Variants in YPEL5 observed in about 807,000 individuals in gnomAD.
The protein encoded by YPEL5 is protein yippee-like 5.
Under a neutral mutation model 10.5 loss-of-function variants are expected in YPEL5, and 1 was observed. That is an observed-to-expected ratio of 0.10 (90% CI 0.03 to 0.45). YPEL5 has a LOEUF of 0.45. YPEL5 is among the 20% of genes least tolerant of loss of function. The pLI, the probability that YPEL5 is intolerant of heterozygous loss-of-function variation, is 0.97. For synonymous variants in YPEL5, 61 were observed against 56.6 expected (o/e 1.08, Z -0.35); for missense variants, 68 against 159.3 (o/e 0.43, Z 3.09).
intron 2 of YPEL5, among the ~76,000 whole-genome samples, chr2:30,157,143 C>T (rs571245701): frequency 3.3e-5 from 5 of 152,090 alleles, no homozygotes; most frequent in Non-Finnish European, 7.4e-5. Context: ...ATTAGCTGGG[C>T]GTGGTGGTGT....
At chr2:30,155,172 G>A (rs1377819657) in intron 1 of YPEL5, among the ~76,000 whole-genome samples, 1 of 152,160 alleles carries the variant, frequency 6.6e-6, no homozygotes, top group African/African-American at 2.4e-5. Flanking sequence ...TTAAGTCTGT[G>A]TTTTAGTGCA....
At chr2:30,156,910 C>A in intron 2 of YPEL5, 118 bp downstream of exon 2, 2 of 1,243,684 alleles carry the variant, frequency 1.6e-6, no homozygotes, top group Non-Finnish European at 2.3e-6. Context: ...AGCTTGAAAT[C>A]TACAGAAATG....
At position 30,156,775 on chromosome 2, in the gene YPEL5, G is replaced by T; in HGVS notation, c.124G>T (p.Ala42Ser). Residue 42 changes from alanine to serine, a missense_variant, in exon 2 of 3, where the codon GCA (alanine) becomes TCA (serine). Ala to Ser is a moderately conservative substitution (Grantham distance 99). Transcript: ENST00000261353. Reference sequence around the variant, plus strand: ...TCGTTTCACAGGCGCCACTGGCAGAGCATTTCTTTTTAACAAGGTTAGTGA... The same window carrying T: ...TCGTTTCACAGGCGCCACTGGCAGATCATTTCTTTTTAACAAGGTTAGTGA... ...STRFTGATGRAFLFNKVVNLQ... is the reference protein window; with the variant it reads ...STRFTGATGRSFLFNKVVNLQ... The T allele has an allele frequency of 6.2e-7, 1 of 1,614,034 alleles. No individual in the cohort carries two copies. Among genetic ancestry groups the T allele is most frequent in the Non-Finnish European group, 8.5e-7 (1 of 1,179,990 alleles).
chr2:30,156,728 A>G lies in YPEL5; in HGVS notation c.77A>G (p.Asn26Ser), dbSNP rs780223387. The part of the protein sequence containing the change: ...SCANCDTILT[N>S]RSELISTRFT... ...GCAAACTGTGATACGATCCTGACCAACCGCTCAGAACTCATCTCCACTCGT... is the reference window on the plus strand; with the variant it reads ...GCAAACTGTGATACGATCCTGACCAGCCGCTCAGAACTCATCTCCACTCGT... The change falls in exon 2 of 3, where the codon AAC (asparagine) becomes AGC (serine). Residue 26 changes from asparagine to serine, a missense_variant. Asn to Ser is a conservative substitution (Grantham distance 46). Transcript: ENST00000261353. 4 of 1,614,064 alleles carry G rather than the reference A, an allele frequency of 2.5e-6. No homozygotes were observed. Among genetic ancestry groups the G allele is most frequent in the Non-Finnish European group, 3.4e-6 (4 of 1,180,002 alleles).
chr2:30,152,678 T>C (rs1182235864), intron 1 of YPEL5, among the ~76,000 whole-genome samples: 1 of 152,180 alleles, frequency 6.6e-6, no homozygotes, highest in African/African-American at 2.4e-5. Flanking sequence ...CACAGTCTCT[T>C]TAATTCATCT....
rs1300744103 is a variant in YPEL5, at chr2:30,153,972, G to T, written c.-24-2656G>T. Reference sequence around the variant, plus strand: ...TTTAGCCAAGGATAAAATGATGTAGGCAGAAGGCATAGGGAAAGTTCACTT... The same window carrying T: ...TTTAGCCAAGGATAAAATGATGTAGTCAGAAGGCATAGGGAAAGTTCACTT... On this transcript the variant is annotated intron_variant, in intron 1 of 2. Coordinates refer to ENST00000261353, the MANE Select transcript of YPEL5 (RefSeq NM_016061.3). Among the ~76,000 whole-genome samples the T allele has an allele frequency of 5.9e-5, 9 of 152,302 alleles. No homozygotes were observed. In the South Asian group the frequency reaches 1.9e-3, roughly 32 times the overall value.
chr2:30,152,897 T>TC, intron 1 of YPEL5, among the ~76,000 whole-genome samples: 1 of 151,168 alleles, frequency 6.6e-6, no homozygotes, highest in African/African-American at 2.4e-5. Flanking sequence ...TTTGTTTTTT[T>TC]TTTTTTTTTT....
intron 1 of YPEL5, among the ~76,000 whole-genome samples, chr2:30,149,420 C>A (rs1015557755): frequency 6.6e-6 from 1 of 152,198 alleles, no homozygotes; most frequent in Non-Finnish European, 1.5e-5. Flanking sequence ...GAAAACTTAG[C>A]TTGTTATATA....
At chr2:30,156,928 A>G (rs771782677) in intron 2 of YPEL5, 136 bp downstream of exon 2, 2 of 1,069,660 alleles carry the variant, frequency 1.9e-6, no homozygotes, top group Middle Eastern at 4.2e-4. Flanking sequence ...ATGATTGCCC[A>G]CTAGCTCGTC....
chr2:30,150,996 T>G (rs1364138675), intron 1 of YPEL5, among the ~76,000 whole-genome samples: 2 of 152,134 alleles, frequency 1.3e-5, no homozygotes, highest in African/African-American at 4.8e-5. Flanking sequence ...CCCAACCATT[T>G]AAAAGTACAA....
rs191449739 is a variant in YPEL5 at position 30,159,119 on chromosome 2, G to T, written c.*276G>T. 2.7e-5 allele frequency: 11 copies of T among 400,936 alleles called. No homozygotes were observed. The highest frequency in any genetic ancestry group is 4.1e-5 in the Admixed American group (1 of 24,288). 24.8% of individuals were successfully genotyped at this position (400,936 alleles called of 1,614,324 possible). Reference sequence around the variant, plus strand: ...GGCAGCAGAGTCTGTCTGCAGCTATGTGGTGAGCTATGTAAGGAAAAAAAT... The same window carrying T: ...GGCAGCAGAGTCTGTCTGCAGCTATTTGGTGAGCTATGTAAGGAAAAAAAT... On this transcript the variant is annotated 3_prime_UTR_variant, in exon 3 of 3. Coordinates refer to ENST00000261353, the MANE Select transcript of YPEL5 (RefSeq NM_016061.3).
Position 30,147,285 on chromosome 2 carries a change from C to T in YPEL5, c.-25+223C>T, listed in dbSNP as rs541467574. ...GCGGGCGGACGCGCGGGGCTGTTTG[C>T]TCTTTGTGAGGCCTGGCGCGGCGGC... On this transcript the variant is annotated intron_variant, in intron 1 of 2. Coordinates refer to ENST00000261353, the MANE Select transcript of YPEL5 (RefSeq NM_016061.3). 5.5e-3 allele frequency among the ~76,000 whole-genome samples: 836 copies of T among 151,528 alleles called. 8 individuals are homozygous for T. The highest frequency in any genetic ancestry group is 0.019 in the African/African-American group (791 of 41,480).
chr2:30,150,983 C>T (rs867947326), intron 1 of YPEL5, among the ~76,000 whole-genome samples: 3 of 152,084 alleles, frequency 2.0e-5, no homozygotes, highest in African/African-American at 7.2e-5. Context: ...ATTCTCCCCT[C>T]CCCCCAACCA....
chr2:30,154,717 C>T (rs1675960160), intron 1 of YPEL5, among the ~76,000 whole-genome samples: 1 of 152,114 alleles, frequency 6.6e-6, no homozygotes, highest in Admixed American at 6.5e-5. Context: ...CAACTTCTGA[C>T]TTATATGTAA....
rs953519360 is a variant in YPEL5, at chr2:30,156,914, A to G, written c.141+122A>G. Reference sequence around the variant, plus strand: ...GTCAGAATGAGAGCTTGAAATCTACAGAAATGATTGCCCACTAGCTCGTCT... The same window carrying G: ...GTCAGAATGAGAGCTTGAAATCTACGGAAATGATTGCCCACTAGCTCGTCT... On this transcript the variant is annotated intron_variant, in intron 2 of 2. Transcript: ENST00000261353. The G allele has an allele frequency of 2.3e-5, 27 of 1,188,428 alleles. 2 individuals carry two copies. The highest frequency in any genetic ancestry group is 2.0e-4 in the Middle Eastern group (1 of 5,004). The allele number at this position is 1,188,428 out of a possible 1,614,324, so 73.6% of individuals were successfully genotyped here.
At position 30,154,583 on chromosome 2, in the gene YPEL5, A is replaced by T. The variant is rs1213640876; in HGVS notation, c.-24-2045A>T. ...TCTCAACTTTTTAAAATGAAGATTA[A>T]AAACTGTGTGACCCAAATAAAACAG... On this transcript the variant is annotated intron_variant, in intron 1 of 2. Transcript: ENST00000261353. 2.6e-5 allele frequency among the ~76,000 whole-genome samples: 4 copies of T among 152,236 alleles called. No homozygotes were observed. In the South Asian group the frequency reaches 6.2e-4, roughly 24 times the overall value.
chr2:30,158,774 G>A lies in YPEL5; in HGVS notation c.297G>A (p.Val99=). 6.2e-7 allele frequency: 1 copy of A among 1,614,220 alleles called. No homozygotes were observed. Among genetic ancestry groups the A allele is most frequent in the Non-Finnish European group, 8.5e-7 (1 of 1,180,038 alleles). ...EDSQRYKEGR[V]ILERALVRES... ...GCCAGCGATATAAGGAAGGCCGCGT[G>A]ATCCTGGAACGTGCTCTAGTTCGAG... The change falls in exon 3 of 3, where the codon GTG becomes GTA. Residue 99 remains valine (V), a synonymous_variant. Transcript: ENST00000261353.
chr2:30,147,577 G>C (rs1219253102), intron 1 of YPEL5: 2 of 151,482 alleles, frequency 1.3e-5, no homozygotes, highest in Non-Finnish European at 2.9e-5. Flanking sequence ...TGACCGAGTT[G>C]TTTGGGCCGC....
intron 1 of YPEL5, chr2:30,156,053 A>T (rs1481097068): frequency 6.6e-6 from 1 of 152,356 alleles, no homozygotes; most frequent in African/African-American, 2.4e-5. Context: ...ATAAGTACCT[A>T]GTAACAGTGC....
Sources: gnomAD v4.1 joint callset for allele counts (sites outside exome capture counted in the v4.1 genomes callset) on GRCh38, gnomAD v4.1.1 for gene constraint, MANE v1.5 for transcripts, NCBI Gene and HGNC (gene_info 2026-07-23, HGNC 2026-07-21) for gene names.